The following SUPT3H variants were observed in gnomAD, a reference collection of about 807,000 sequenced individuals.
SUPT3H encodes SPT3 homolog, SAGA and STAGA complex component.
Under a neutral mutation model 44.3 loss-of-function variants are expected in SUPT3H, and 44 were observed. The ratio of observed to expected loss-of-function variants is 0.99; its 90% CI spans 0.78 to 1.28. SUPT3H has a LOEUF of 1.28. SUPT3H is among the 50% of genes most tolerant of loss of function. The pLI, the probability that SUPT3H is intolerant of heterozygous loss-of-function variation, is 0.00. For missense variants in SUPT3H, 380 were observed against 387.1 expected (o/e 0.98, Z 0.15); for synonymous variants, 124 against 125.6 (o/e 0.99, Z 0.09).
chr6:45,008,333 A>G (rs1277390373), intron 5 of SUPT3H, among the ~76,000 whole-genome samples: 1 of 152,104 alleles, frequency 6.6e-6, no homozygotes, highest in African/African-American at 2.4e-5. Context: ...TGTCCTCAAC[A>G]GCACTTGTTA....
rs925910678 is a variant in SUPT3H at position 45,219,945 on chromosome 6, A to G, written c.102-113939T>C. ...TCCCAGCTATTTGGGAGGCTGACGC[A>G]GGAGAATCGCTTGAACCTGGGAGGC... On this transcript the variant is annotated intron_variant, in intron 2 of 10. Coordinates refer to ENST00000371459, the MANE Select transcript of SUPT3H (RefSeq NM_003599.4). Among the ~76,000 whole-genome samples the G allele has an allele frequency of 5.8e-4, 85 of 147,286 alleles. 1 individual carries two copies. The highest frequency in any genetic ancestry group is 2.1e-3 in the African/African-American group (83 of 40,478).
intron 10 of SUPT3H, among the ~76,000 whole-genome samples, chr6:44,912,743 T>C (rs1405513060): frequency 2.0e-5 from 3 of 152,226 alleles, no homozygotes; most frequent in Non-Finnish European, 4.4e-5. Context: ...AATGAGTTAC[T>C]GTTGCCCTCC....
intron 5 of SUPT3H, among the ~76,000 whole-genome samples, chr6:45,006,051 T>C (rs1374519804): frequency 6.6e-6 from 1 of 152,106 alleles, no homozygotes; most frequent in Non-Finnish European, 1.5e-5. Context: ...ATTATTATTA[T>C]TATTACCCTT....
intron 10 of SUPT3H, among the ~76,000 whole-genome samples, chr6:44,839,609 A>C (rs189675776): frequency 5.6e-4 from 86 of 152,276 alleles, no homozygotes; most frequent in Admixed American, 9.1e-4. Context: ...ATAAGTTATT[A>C]TAATTAAAAA....
In SUPT3H at chr6:45,345,715, G is replaced by A. The variant is rs549933649; in HGVS notation, c.101+19486C>T. On this transcript the variant is annotated intron_variant, in intron 2 of 10. Transcript: ENST00000371459. ...CCACAGCCAACTCATTTTACATGAT[G>A]CATTATCAATTCTTCTTAATGAGTA... is the stretch of plus-strand genomic sequence containing the variant. Among the ~76,000 whole-genome samples the A allele has an allele frequency of 8.5e-5, 13 of 152,222 alleles. No individual in the cohort carries two copies. In the East Asian group the frequency reaches 1.5e-3, roughly 18 times the overall value.
At chr6:45,134,613 A>G (rs1482961477) in intron 2 of SUPT3H, among the ~76,000 whole-genome samples, 1 of 151,286 alleles carries the variant, frequency 6.6e-6, no homozygotes, top group Non-Finnish European at 1.5e-5. Flanking sequence ...AAGTACTGCA[A>G]AAATAAAATG....
chr6:45,056,250 A>T (rs149539304), intron 3 of SUPT3H, among the ~76,000 whole-genome samples: 3 of 152,300 alleles, frequency 2.0e-5, no homozygotes, highest in African/African-American at 7.2e-5. Context: ...AAACTGTACA[A>T]CCACTATGGA....
intron 2 of SUPT3H, among the ~76,000 whole-genome samples, chr6:45,230,341 A>G (rs1767727680): frequency 6.6e-6 from 1 of 151,970 alleles, no homozygotes; most frequent in African/African-American, 2.4e-5. Flanking sequence ...GGCCTGCACA[A>G]TTATTTTATT....
chr6:44,958,985 C>A (rs558728268), intron 7 of SUPT3H, among the ~76,000 whole-genome samples: 1 of 148,928 alleles, frequency 6.7e-6, no homozygotes, highest in African/African-American at 2.5e-5. Flanking sequence ...TAGTGACTCT[C>A]CTGCCTTGGC....
At chr6:45,358,855 A>G (rs1793725807) in intron 2 of SUPT3H, among the ~76,000 whole-genome samples, 1 of 152,192 alleles carries the variant, frequency 6.6e-6, no homozygotes, top group Admixed American at 6.5e-5. Context: ...ATAGCTATAT[A>G]TCAATTACAG....
intron 1 of SUPT3H, among the ~76,000 whole-genome samples, chr6:45,369,596 C>T (rs1795705654): frequency 6.6e-6 from 1 of 152,040 alleles, no homozygotes; most frequent in African/African-American, 2.4e-5. Flanking sequence ...CGTATCCTCC[C>T]TTAATTCCCT....
intron 6 of SUPT3H, among the ~76,000 whole-genome samples, chr6:44,981,558 A>G (rs1779093267): frequency 6.6e-6 from 1 of 152,176 alleles, no homozygotes; most frequent in South Asian, 2.1e-4. Context: ...TAATATTGAG[A>G]AACATTTTAT....
intron 2 of SUPT3H, among the ~76,000 whole-genome samples, chr6:45,182,312 G>A (rs1299369033): frequency 1.3e-5 from 2 of 152,330 alleles, no homozygotes; most frequent in South Asian, 4.1e-4. Context: ...CCAGGCTGGA[G>A]TGTAGTGGCG....
intron 2 of SUPT3H, among the ~76,000 whole-genome samples, chr6:45,226,363 C>T (rs540048296): frequency 3.9e-5 from 6 of 152,120 alleles, no homozygotes; most frequent in African/African-American, 1.4e-4. Flanking sequence ...ATAACGTTTA[C>T]TCAAATACAG....
chr6:44,973,901 C>T lies in SUPT3H; in HGVS notation c.505-12073G>A, dbSNP rs374152713. Among the ~76,000 whole-genome samples, 282 of 152,208 alleles carry T rather than the reference C, an allele frequency of 1.9e-3. 1 individual carries two copies. The highest frequency in any genetic ancestry group is 6.3e-3 in the African/African-American group (262 of 41,516). On this transcript the variant is annotated intron_variant, in intron 6 of 10. Transcript: ENST00000371459. ...CATGAAAACAGCATGGAGGTAACAG[C>T]CCCCATAATTCAATTACCTTCCACC...
At chr6:45,257,986 G>A (rs1584532664) in intron 2 of SUPT3H, among the ~76,000 whole-genome samples, 1 of 152,050 alleles carries the variant, frequency 6.6e-6, no homozygotes, top group African/African-American at 2.4e-5. Flanking sequence ...TTCCATTTAC[G>A]AAACATAATA....
chr6:44,976,326 A>G (rs998004493), intron 6 of SUPT3H, among the ~76,000 whole-genome samples: 8 of 152,172 alleles, frequency 5.3e-5, no homozygotes, highest in African/African-American at 1.9e-4. Flanking sequence ...AATACTTAAG[A>G]AAAAGCAGAA....
intron 11 of SUPT3H, among the ~76,000 whole-genome samples, chr6:44,810,838 G>A (rs1030493414): frequency 6.6e-6 from 1 of 151,908 alleles, no homozygotes. Flanking sequence ...CCTGGGAGGC[G>A]GAGGCTGCAG....
intron 6 of SUPT3H, among the ~76,000 whole-genome samples, chr6:44,967,465 T>G (rs1249224000): frequency 6.6e-6 from 1 of 152,244 alleles, no homozygotes; most frequent in African/African-American, 2.4e-5. Flanking sequence ...TTTGTTAATC[T>G]GAATTTTCAG....
Sources: allele counts gnomAD v4.1 joint callset (sites outside exome capture counted in the v4.1 genomes callset), GRCh38; gene constraint gnomAD v4.1.1; transcripts MANE v1.5; gene names NCBI Gene and HGNC (gene_info 2026-07-23, HGNC 2026-07-21).